The following MAPRE2 variants were observed in gnomAD, a reference collection of about 807,000 sequenced individuals.
MAPRE2 encodes microtubule-associated protein RP/EB family member 2.
In MAPRE2, 13 loss-of-function variants were observed where a neutral mutation model predicts 43.2. The ratio of observed to expected loss-of-function variants is 0.30; its 90% CI spans 0.20 to 0.48. MAPRE2 has a LOEUF of 0.48. Ranked by LOEUF, MAPRE2 falls within the 20% of genes least tolerant of loss-of-function variation. MAPRE2 has a pLI of 0.99. For synonymous variants in MAPRE2, 135 were observed against 148.8 expected (o/e 0.91, Z 0.68); for missense variants, 161 against 400.2 (o/e 0.40, Z 5.10).
intron 4 of MAPRE2, among the ~76,000 whole-genome samples, chr18:35,123,872 A>G (rs932468400): frequency 6.6e-6 from 1 of 152,192 alleles, no homozygotes; most frequent in South Asian, 2.1e-4. Context: ...CAGATGAAAC[A>G]CCTATGTCCT....
chr18:34,978,511 C>T, intron 1 of MAPRE2: 3 of 1,551,570 alleles, frequency 1.9e-6, no homozygotes, highest in Non-Finnish European at 2.6e-6. Flanking sequence ...GAATAGGACA[C>T]TGTGGAATGA....
At chr18:35,094,814 C>T (rs1319621608) in intron 2 of MAPRE2, among the ~76,000 whole-genome samples, 1 of 152,172 alleles carries the variant, frequency 6.6e-6, no homozygotes, top group Non-Finnish European at 1.5e-5. Flanking sequence ...CTAGACCCCA[C>T]CACTCTGCCA....
intron 2 of MAPRE2, among the ~76,000 whole-genome samples, chr18:35,012,193 T>A (rs1165502810): frequency 6.6e-6 from 1 of 152,172 alleles, no homozygotes; most frequent in Non-Finnish European, 1.5e-5. Flanking sequence ...TTGCCCATGT[T>A]GTGCTTAGGG....
chr18:35,027,759 T>C (rs956254817), intron 2 of MAPRE2, among the ~76,000 whole-genome samples: 3 of 152,240 alleles, frequency 2.0e-5, no homozygotes, highest in African/African-American at 4.8e-5. Flanking sequence ...TCCTACATTA[T>C]GGTTTTGTGG....
chr18:35,040,728 TG>T (rs1253240032), upstream of MAPRE2, among the ~76,000 whole-genome samples: 1 of 152,230 alleles, frequency 6.6e-6, no homozygotes, highest in African/African-American at 2.4e-5. Flanking sequence ...TTTGGGTAAC[TG>T]GTAAAATGGT....
chr18:35,050,811 G>A (rs927262037), intron 1 of MAPRE2, among the ~76,000 whole-genome samples: 17 of 152,018 alleles, frequency 1.1e-4, no homozygotes, highest in Admixed American at 3.9e-4. Context: ...GTGTGATGAC[G>A]GCCAGGAAAC....
At chr18:34,996,433 C>G (rs748101905) in intron 1 of MAPRE2, among the ~76,000 whole-genome samples, 2 of 152,126 alleles carry the variant, frequency 1.3e-5, no homozygotes, top group East Asian at 3.9e-4. Flanking sequence ...GCTGATCTGA[C>G]AGGAGGCAGA....
At chr18:35,097,972 C>T (rs1014149090) in intron 3 of MAPRE2, among the ~76,000 whole-genome samples, 2 of 152,186 alleles carry the variant, frequency 1.3e-5, no homozygotes, top group Admixed American at 6.5e-5. Context: ...AGCTTCATGA[C>T]TTGAGCAAGT....
At chr18:35,014,176 T>C (rs1436953651) in intron 2 of MAPRE2, among the ~76,000 whole-genome samples, 1 of 152,052 alleles carries the variant, frequency 6.6e-6, no homozygotes, top group Non-Finnish European at 1.5e-5. Flanking sequence ...TTCAATACCT[T>C]CTATAAAGTC....
intron 4 of MAPRE2, among the ~76,000 whole-genome samples, chr18:35,126,736 A>C (rs1438985978): frequency 6.6e-6 from 1 of 152,036 alleles, no homozygotes; most frequent in African/African-American, 2.4e-5. Flanking sequence ...AAAAAACAGC[A>C]CTCACAAAGG....
intron 2 of MAPRE2, among the ~76,000 whole-genome samples, chr18:35,081,827 A>G (rs1907647391): frequency 6.6e-6 from 1 of 152,004 alleles, no homozygotes; most frequent in Non-Finnish European, 1.5e-5. Context: ...ATTTTACCTT[A>G]TACTAAAAGC....
chr18:35,124,119 A>G (rs1288425751), intron 4 of MAPRE2, among the ~76,000 whole-genome samples: 1 of 152,164 alleles, frequency 6.6e-6, no homozygotes, highest in Non-Finnish European at 1.5e-5. Context: ...AAGACAGGAT[A>G]ATTTATAAAG....
At chr18:34,985,520 A>G (rs556850620) in intron 1 of MAPRE2, among the ~76,000 whole-genome samples, 37 of 60,228 alleles carry the variant, frequency 6.1e-4, no homozygotes, top group African/African-American at 2.4e-3. Flanking sequence ...TATATATATT[A>G]TATATTATAA....
chr18:35,091,206 A>C (rs1478746362), intron 2 of MAPRE2, among the ~76,000 whole-genome samples: 1 of 152,254 alleles, frequency 6.6e-6, no homozygotes, highest in Non-Finnish European at 1.5e-5. Flanking sequence ...ACATACCACA[A>C]GTGAAAAATC....
chr18:35,065,654 A>G (rs1015555675), intron 1 of MAPRE2, among the ~76,000 whole-genome samples: 2 of 152,014 alleles, frequency 1.3e-5, no homozygotes, highest in African/African-American at 4.8e-5. Flanking sequence ...ACCGGGTTCA[A>G]GCGATTCTCC....
chr18:35,086,152 T>C (rs1393204596), intron 2 of MAPRE2, among the ~76,000 whole-genome samples: 1 of 152,074 alleles, frequency 6.6e-6, no homozygotes, highest in Non-Finnish European at 1.5e-5. Context: ...GATGGGCAAT[T>C]TGAGTAGCTG....
intron 2 of MAPRE2, among the ~76,000 whole-genome samples, chr18:35,073,272 G>C (rs1397564169): frequency 6.6e-6 from 1 of 151,754 alleles, no homozygotes; most frequent in Non-Finnish European, 1.5e-5. Flanking sequence ...CATTTAGCAG[G>C]AAGAAGCTAT....
At chr18:34,999,759 G>A (rs570293654) in intron 1 of MAPRE2, among the ~76,000 whole-genome samples, 35 of 152,290 alleles carry the variant, frequency 2.3e-4, no homozygotes, top group African/African-American at 8.2e-4. Context: ...AAGATTCAGT[G>A]TAATCTGACC....
chr18:35,080,585 A>C (rs1907584992), intron 2 of MAPRE2, among the ~76,000 whole-genome samples: 1 of 152,252 alleles, frequency 6.6e-6, no homozygotes, highest in Non-Finnish European at 1.5e-5. Context: ...AAGATAATCA[A>C]GCCAAACATC....
Sources: gnomAD v4.1 joint callset for allele counts (sites outside exome capture counted in the v4.1 genomes callset) on GRCh38, gnomAD v4.1.1 for gene constraint, MANE v1.5 for transcripts, NCBI Gene and HGNC (gene_info 2026-07-23, HGNC 2026-07-21) for gene names.